The following SYDE2 variants were observed in gnomAD, a reference collection of about 807,000 sequenced individuals.
SYDE2 encodes the protein rho GTPase-activating protein SYDE2.
SYDE2 carries 76 observed loss-of-function variants against 91.5 expected under a neutral mutation model. The ratio of observed to expected loss-of-function variants is 0.83; its 90% CI spans 0.69 to 1.01. SYDE2 has a LOEUF of 1.01. Among genes scored for constraint, SYDE2 ranks in the 50% least tolerant of loss-of-function variants. The probability of loss-of-function intolerance (pLI) is 0.00; values close to 1 mark genes in which losing one functional copy is unlikely to be tolerated. For missense variants in SYDE2, 1,364 were observed against 1,367.7 expected (o/e 1.00, Z 0.04); for synonymous variants, 513 against 506.4 (o/e 1.01, Z -0.18).
intron 1 of SYDE2, among the ~76,000 whole-genome samples, chr1:85,197,779 C>A (rs1048923136): frequency 6.6e-6 from 1 of 151,970 alleles, no homozygotes; most frequent in Non-Finnish European, 1.5e-5. Context: ...CTCAGCCTCC[C>A]GAGTAGCTGG....
At chr1:85,199,851 T>G (rs1658741833) in intron 1 of SYDE2, among the ~76,000 whole-genome samples, 1 of 152,082 alleles carries the variant, frequency 6.6e-6, no homozygotes, top group African/African-American at 2.4e-5. Flanking sequence ...AAATTCAAAT[T>G]TACAAACTCC....
Position 85,182,501 on chromosome 1 carries a change from G to A in SYDE2, c.2141C>T (p.Ala714Val), listed in dbSNP as rs778592340. ...CAIQVDSVNK[A>V]RTALLTCRTT... ...TCGGCATGTGAGCAAAGCTGTTCTT[G>A]CTTTGTTTACTGAATCTACCTGAAT... Residue 714 changes from alanine to valine, a missense_variant, in exon 3 of 7, where the codon GCA (alanine) becomes GTA (valine). Coordinates refer to ENST00000341460, the MANE Select transcript of SYDE2 (RefSeq NM_032184.2). The A allele has an allele frequency of 3.7e-6, 6 of 1,613,772 alleles. No homozygotes were observed. In the East Asian group the frequency reaches 1.3e-4, roughly 36 times the overall value.
chr1:85,152,839 G>T (rs949365962), downstream of SYDE2: 1 of 152,204 alleles, frequency 6.6e-6, no homozygotes, highest in Non-Finnish European at 1.5e-5. Flanking sequence ...ATGGATGTGG[G>T]TGTAGTTTTT....
At chr1:85,159,315 C>A in intron 6 of SYDE2, 66 bp from the exon 7 acceptor site, 1 of 727,142 alleles carries the variant, frequency 1.4e-6, no homozygotes, top group Non-Finnish European at 2.5e-6. Context: ...AAAAACAGAG[C>A]TAAAGATAAG....
chr1:85,195,085 G>A (rs779779175), intron 1 of SYDE2, among the ~76,000 whole-genome samples: 8 of 151,792 alleles, frequency 5.3e-5, no homozygotes, highest in Non-Finnish European at 1.0e-4. Flanking sequence ...GCGTGAACCC[G>A]CGAGGCAGAG....
At chr1:85,165,211 G>A (rs1331943757) in intron 5 of SYDE2, among the ~76,000 whole-genome samples, 1 of 152,168 alleles carries the variant, frequency 6.6e-6, no homozygotes, top group Non-Finnish European at 1.5e-5. Flanking sequence ...TCCAGCCTGG[G>A]TGGCTGAACG....
chr1:85,200,891 C>G lies in SYDE2; in HGVS notation c.106G>C (p.Gly36Arg). The change falls in exon 1 of 7, where the codon GGC becomes CGC. Residue 36 changes from glycine (G) to arginine (R), a missense_variant. Coordinates refer to ENST00000341460, the MANE Select transcript of SYDE2 (RefSeq NM_032184.2). ...ARAPGQPPSR[G>R]AAYRRACPRD... Reference sequence around the variant, plus strand: ...GGGCAGGCTCGGCGGTACGCGGCGCCGCGGGAAGGCGGCTGGCCCGGAGCC... The same window carrying G: ...GGGCAGGCTCGGCGGTACGCGGCGCGGCGGGAAGGCGGCTGGCCCGGAGCC... 7.5e-7 allele frequency: 1 copy of G among 1,333,232 alleles called. No individual in the cohort carries two copies. Among genetic ancestry groups the G allele is most frequent in the Non-Finnish European group, 9.5e-7 (1 of 1,051,110 alleles). 82.6% of individuals were successfully genotyped at this position (1,333,232 alleles called of 1,614,324 possible).
In SYDE2 at chr1:85,158,667, A is replaced by G. The variant is rs559632403; in HGVS notation, c.*83T>C. 29 of 581,348 alleles carry G rather than the reference A, an allele frequency of 5.0e-5. No homozygotes were observed. In the South Asian group the frequency reaches 6.8e-4, roughly 14 times the overall value. The allele number at this position is 581,348 out of a possible 1,614,324, so 36.0% of individuals were successfully genotyped here. A position where few individuals can be genotyped will look rare whatever the true frequency, so the allele number is the denominator to read the frequency against. ...TAAAGATTTCAAGAGTAAAAAAATG[A>G]AAACATCGCTGTGGGTGGTATAAGA... On this transcript the variant is annotated 3_prime_UTR_variant, in exon 7 of 7. Transcript: ENST00000341460.
intron 4 of SYDE2, among the ~76,000 whole-genome samples, chr1:85,174,750 C>A (rs1037745): frequency 0.22 from 34,012 of 151,598 alleles, 4,663 homozygotes; most frequent in African/African-American, 0.38. Flanking sequence ...ATGTGGGTTG[C>A]TAAGTCTATG....
In SYDE2 at chr1:85,182,997, A is replaced by G. The variant is rs754236187; in HGVS notation, c.1645T>C (p.Leu549=). 1.9e-6 allele frequency: 3 copies of G among 1,613,196 alleles called. No homozygotes were observed. Among genetic ancestry groups the G allele is most frequent in the East Asian group, 4.5e-5 (2 of 44,862 alleles). ...FSRKLSVKGT[L]NYINSPDNTP... ...TTATCTGGACTGTTTATATAATTCAATGTTCCCTTAACGCTTAGCTTTCGG... is the reference window on the plus strand; with the variant it reads ...TTATCTGGACTGTTTATATAATTCAGTGTTCCCTTAACGCTTAGCTTTCGG... Residue 549 remains leucine (L), a synonymous_variant, in exon 3 of 7, where the codon TTG becomes CTG. Transcript: ENST00000341460.
In SYDE2 at chr1:85,190,492, C is replaced by G; in HGVS notation, c.1006G>C (p.Glu336Gln). Reference sequence around the variant, plus strand: ...TTACATACCACATATGTACAGTACTCTTTAGATGATTTGAGGAAAGACTGT... The same window carrying G: ...TTACATACCACATATGTACAGTACTGTTTAGATGATTTGAGGAAAGACTGT... ...LSQSFLKSSKEYCTYVVCNAT... is the reference protein window; with the variant it reads ...LSQSFLKSSKQYCTYVVCNAT... The change falls in exon 2 of 7, where the codon GAG (glutamate) becomes CAG (glutamine). Residue 336 changes from glutamate (E) to glutamine (Q), a missense_variant. Transcript: ENST00000341460. 1.2e-6 allele frequency: 2 copies of G among 1,613,966 alleles called. No homozygotes were observed. Among genetic ancestry groups the G allele is most frequent in the Non-Finnish European group, 1.7e-6 (2 of 1,179,878 alleles).
chr1:85,188,742 C>T (rs1420827642), intron 2 of SYDE2, among the ~76,000 whole-genome samples: 1 of 152,184 alleles, frequency 6.6e-6, no homozygotes, highest in African/African-American at 2.4e-5. Context: ...TTGTGAGTCA[C>T]TGGTTGAGAG....
At position 85,168,746 on chromosome 1, in the gene SYDE2, A is replaced by C. The variant is rs191787237; in HGVS notation, c.2853+298T>G. ...ATATTCTTCTTTTCTGTATCTTTTC[A>C]ATATTTCTATAATGAACAAATATTA... On this transcript the variant is annotated intron_variant, in intron 5 of 6. Transcript: ENST00000341460. Among the ~76,000 whole-genome samples the C allele has an allele frequency of 2.9e-3, 436 of 152,330 alleles. 2 individuals are homozygous for C. The highest frequency in any genetic ancestry group is 0.01 in the African/African-American group (417 of 41,566).
At chr1:85,161,816 TA>T (rs1458629132) in intron 6 of SYDE2, among the ~76,000 whole-genome samples, 20 of 152,000 alleles carry the variant, frequency 1.3e-4, no homozygotes, top group Middle Eastern at 3.5e-3. Context: ...TTTAAAGTGA[TA>T]GGGGGGCCAG....
chr1:85,182,310 A>G lies in SYDE2; in HGVS notation c.2332T>C (p.Leu778=). The G allele has an allele frequency of 1.2e-6, 2 of 1,613,868 alleles. No individual in the cohort carries two copies. The highest frequency in any genetic ancestry group is 2.2e-5 in the East Asian group (1 of 44,870). The change falls in exon 3 of 7, where the codon TTG becomes CTG. Residue 778 remains leucine, a synonymous_variant. Transcript: ENST00000341460. ...TLFRVTKTHQ[L]AVKLEPRGLI... ...CCTCTAGGTTCAAGTTTGACAGCCA[A>G]CTGATGAGTCTTTGTCACTCTAAAT...
At chr1:85,175,916 A>G (rs887374844) in intron 4 of SYDE2, among the ~76,000 whole-genome samples, 2 of 152,226 alleles carry the variant, frequency 1.3e-5, no homozygotes, top group Non-Finnish European at 2.9e-5. Flanking sequence ...GGAATAGTAC[A>G]AAGAATTGAG....
intron 5 of SYDE2, among the ~76,000 whole-genome samples, chr1:85,167,079 C>G (rs553641231): frequency 6.6e-6 from 1 of 151,600 alleles, no homozygotes; most frequent in South Asian, 2.1e-4. Flanking sequence ...TTGAGGGTGA[C>G]GGCACATGCC....
At chr1:85,175,392 C>T (rs1465207435) in intron 4 of SYDE2, among the ~76,000 whole-genome samples, 1 of 152,058 alleles carries the variant, frequency 6.6e-6, no homozygotes, top group Non-Finnish European at 1.5e-5. Context: ...CCCAGCTATT[C>T]GGGAGGCTGA....
chr1:85,183,643 C>T (rs1334569500), intron 2 of SYDE2, among the ~76,000 whole-genome samples: 1 of 151,950 alleles, frequency 6.6e-6, no homozygotes. Context: ...TTAAGTATGC[C>T]TACAGGGCTT....
Sources: gnomAD v4.1 joint callset for allele counts (sites outside exome capture counted in the v4.1 genomes callset) on GRCh38, gnomAD v4.1.1 for gene constraint, MANE v1.5 for transcripts, NCBI Gene and HGNC (gene_info 2026-07-23, HGNC 2026-07-21) for gene names.